The following DHRSX variants were observed in gnomAD, a reference collection of about 807,000 sequenced individuals.
DHRSX encodes the protein polyprenol dehydrogenase.
Under a neutral mutation model 34.0 loss-of-function variants are expected in DHRSX, and 31 were observed. The observed-to-expected ratio is 0.91, with a 90% CI of 0.69 to 1.23. The LOEUF is 1.23. Ranked by LOEUF, DHRSX falls within the 50% of genes most tolerant of loss-of-function variation. DHRSX has a pLI of 0.00. For synonymous variants in DHRSX, 201 were observed against 183.8 expected (o/e 1.09, Z -0.76); for missense variants, 414 against 428.1 (o/e 0.97, Z 0.29).
chrX:2,318,992 G>A lies in DHRSX; in HGVS notation c.287-27389C>T, dbSNP rs761741316. On this transcript the variant is annotated intron_variant, in intron 3 of 6. Coordinates refer to ENST00000334651, the MANE Select transcript of DHRSX (RefSeq NM_145177.3). ...ACTGACAATGGTAATGGTCTAACCCGGGGTTGGTCAACTGCAGCCCTCTAG... is the reference window on the plus strand; with the variant it reads ...ACTGACAATGGTAATGGTCTAACCCAGGGTTGGTCAACTGCAGCCCTCTAG... Among the ~76,000 whole-genome samples the A allele has an allele frequency of 5.9e-5, 9 of 152,050 alleles. No homozygotes were observed. The South Asian group carries it at 1.7e-3, about 28-fold the overall frequency.
At chrX:2,344,915 A>C (rs1030827968) in intron 3 of DHRSX, among the ~76,000 whole-genome samples, 1 of 114,910 alleles carries the variant, frequency 8.7e-6, no homozygotes, top group African/African-American at 3.3e-5. Flanking sequence ...ATATATATAT[A>C]CTGTATTTAT....
chrX:2,304,170 C>T lies in DHRSX; in HGVS notation c.287-12567G>A, dbSNP rs1360101730. 3.2e-3 allele frequency among the ~76,000 whole-genome samples: 111 copies of T among 34,172 alleles called. 2 individuals carry two copies. The highest frequency in any genetic ancestry group is 0.01 in the African/African-American group (84 of 8,082). 22.4% of individuals were successfully genotyped at this position (34,172 alleles called of 152,430 possible). On this transcript the variant is annotated intron_variant, in intron 3 of 6. Coordinates refer to ENST00000334651, the MANE Select transcript of DHRSX (RefSeq NM_145177.3). ...ATGGATGGATGGATGGATGGATGAA[C>T]TGATGGATGGATGGATGGATGGATG...
chrX:2,276,301 G>C (rs2041645104), intron 4 of DHRSX, among the ~76,000 whole-genome samples: 1 of 152,178 alleles, frequency 6.6e-6, no homozygotes, highest in South Asian at 2.1e-4. Flanking sequence ...AGAAAACCCT[G>C]TGGCCACGTC....
intron 6 of DHRSX, among the ~76,000 whole-genome samples, chrX:2,234,865 C>T (rs1254040507): frequency 1.3e-5 from 2 of 152,166 alleles, no homozygotes; most frequent in Non-Finnish European, 2.9e-5. Flanking sequence ...CGTGTGCCAC[C>T]ATGCTGAGCT....
At chrX:2,372,718 C>T (rs1317418977) in intron 3 of DHRSX, among the ~76,000 whole-genome samples, 1 of 151,872 alleles carries the variant, frequency 6.6e-6, no homozygotes, top group Non-Finnish European at 1.5e-5. Flanking sequence ...AAGCGATGCT[C>T]CTGCCTCAGC....
intron 1 of DHRSX, chrX:2,490,318 G>C: frequency 6.2e-7 from 1 of 1,613,428 alleles, no homozygotes; most frequent in Non-Finnish European, 8.5e-7. Flanking sequence ...GCCCCTCGCA[G>C]ATGAGGCCCA....
intron 3 of DHRSX, among the ~76,000 whole-genome samples, chrX:2,400,138 C>T (rs28600179): frequency 0.035 from 5,277 of 152,256 alleles, 300 homozygotes; most frequent in African/African-American, 0.12. Flanking sequence ...CATAATTAAT[C>T]GTTGGCGAAC....
rs772173053 is a variant in DHRSX at position 2,425,293 on chromosome X, G to T, written c.121C>A (p.Arg41=). The T allele has an allele frequency of 8.1e-6, 13 of 1,613,270 alleles. No individual in the cohort carries two copies. Among genetic ancestry groups the T allele is most frequent in the Non-Finnish European group, 1.1e-5 (13 of 1,179,442 alleles). Residue 41 remains arginine (R), a synonymous_variant, in exon 2 of 7, where the codon CGA becomes AGA. Transcript: ENST00000334651. Reference sequence around the variant, plus strand: ...GTCACTATAGCGACACGGTCAGGTCGTGGGGGGAAAACTGAAAAAGAAGAA... The same window carrying T: ...GTCACTATAGCGACACGGTCAGGTCTTGGGGGGAAAACTGAAAAAGAAGAA... ...GGFLEPVFPP[R]PDRVAIVTGG...
At chrX:2,357,336 G>A in intron 3 of DHRSX, among the ~76,000 whole-genome samples, 1 of 152,006 alleles carries the variant, frequency 6.6e-6, no homozygotes, top group South Asian at 2.1e-4. Context: ...AATTGTAAAT[G>A]GAAAGGTTTC....
chrX:2,398,087 A>G (rs1754684279), intron 3 of DHRSX, among the ~76,000 whole-genome samples: 1 of 152,182 alleles, frequency 6.6e-6, no homozygotes, highest in Non-Finnish European at 1.5e-5. Flanking sequence ...CAAAGAGATG[A>G]GTTGCGGAAG....
intron 1 of DHRSX, among the ~76,000 whole-genome samples, chrX:2,481,014 A>G (rs2044760699): frequency 6.6e-6 from 1 of 152,150 alleles, no homozygotes; most frequent in African/African-American, 2.4e-5. Context: ...GATTATGTGA[A>G]TATGTTAATT....
At position 2,365,141 on chromosome X, in the gene DHRSX, T is replaced by G. The variant is rs762468981; in HGVS notation, c.286+43604A>C. 3.7e-4 allele frequency among the ~76,000 whole-genome samples: 57 copies of G among 152,286 alleles called. 1 individual carries two copies. The highest frequency in any genetic ancestry group is 1.3e-3 in the African/African-American group (53 of 41,568). On this transcript the variant is annotated intron_variant, in intron 3 of 6. Transcript: ENST00000334651. ...AGAGCTTCTGCACAGCAAAAGAAAC[T>G]ATCATCAGAGCAAACAGGTAACCTA...
rs773425632 is a variant in DHRSX at position 2,401,634 on chromosome X, C to T, written c.286+7111G>A. Among the ~76,000 whole-genome samples the T allele has an allele frequency of 2.4e-4, 37 of 152,258 alleles. 2 individuals are homozygous for T. Among genetic ancestry groups the T allele is most frequent in the Admixed American group, 2.0e-3 (31 of 15,288 alleles). On this transcript the variant is annotated intron_variant, in intron 3 of 6. Transcript: ENST00000334651. ...AAGAGTGTTTAACTGGTTATCTCTCCCCATCTGAGTTCATTTGAACACGGC... is the reference window on the plus strand; with the variant it reads ...AAGAGTGTTTAACTGGTTATCTCTCTCCATCTGAGTTCATTTGAACACGGC...
intron 3 of DHRSX, among the ~76,000 whole-genome samples, chrX:2,376,803 G>A (rs2043144997): frequency 6.6e-6 from 1 of 152,096 alleles, no homozygotes; most frequent in Admixed American, 6.6e-5. Flanking sequence ...AGACCATCCT[G>A]CCCAACATGG....
intron 3 of DHRSX, among the ~76,000 whole-genome samples, chrX:2,352,479 A>AGCT (rs1193130105): frequency 2.0e-5 from 3 of 152,082 alleles, no homozygotes; most frequent in Non-Finnish European, 4.4e-5. Context: ...AGGGCCTGGG[A>AGCT]GCTTACGGGT....
intron 1 of DHRSX, chrX:2,488,520 T>C: frequency 1.5e-6 from 2 of 1,330,354 alleles, no homozygotes; most frequent in Non-Finnish European, 2.0e-6. Context: ...CTTCTAGGTG[T>C]CAAAGACAGT....
chrX:2,448,828 T>C (rs1184473892), intron 1 of DHRSX, among the ~76,000 whole-genome samples: 1 of 152,150 alleles, frequency 6.6e-6, no homozygotes, highest in Non-Finnish European at 1.5e-5. Context: ...TTCAACACAG[T>C]TTACACGACC....
intron 5 of DHRSX, among the ~76,000 whole-genome samples, chrX:2,259,375 G>GAT (rs34123441): frequency 0.44 from 59,190 of 133,636 alleles, 13,731 homozygotes; most frequent in Non-Finnish European, 0.6. Flanking sequence ...GATATATATA[G>GAT]ATATATATAT....
At chrX:2,238,557 G>A (rs1424331782) in intron 6 of DHRSX, among the ~76,000 whole-genome samples, 1 of 151,702 alleles carries the variant, frequency 6.6e-6, no homozygotes, top group Non-Finnish European at 1.5e-5. Flanking sequence ...CAGGGACCCT[G>A]GACAGATCCT....
Sources: allele counts gnomAD v4.1 joint callset (sites outside exome capture counted in the v4.1 genomes callset), GRCh38; gene constraint gnomAD v4.1.1; transcripts MANE v1.5; gene names NCBI Gene and HGNC (gene_info 2026-07-23, HGNC 2026-07-21).